SMIM36: variants seen among roughly 807,000 people sequenced by gnomAD.
SMIM36 encodes the protein small integral membrane protein 36.
intron 3 of SMIM36, among the ~76,000 whole-genome samples, chr17:55,469,706 G>A (rs1399886342): frequency 5.9e-5 from 9 of 152,216 alleles, no homozygotes; most frequent in Non-Finnish European, 1.0e-4. Context: ...AAGGCCAAGT[G>A]CAGTGGCTCA....
At chr17:55,498,528 T>C (rs1455074748) in intron 1 of SMIM36, among the ~76,000 whole-genome samples, 1 of 152,268 alleles carries the variant, frequency 6.6e-6, no homozygotes, top group Non-Finnish European at 1.5e-5. Context: ...TATCACAATA[T>C]GCCAGATACT....
At chr17:55,473,985 C>CCTGTT (rs1222523346) in intron 3 of SMIM36, among the ~76,000 whole-genome samples, 2 of 152,086 alleles carry the variant, frequency 1.3e-5, no homozygotes, top group African/African-American at 2.4e-5. Flanking sequence ...AGATCCCTGT[C>CCTGTT]CTGTTCTGTT....
At chr17:55,478,813 C>T (rs973416464) in exon 3 of SMIM36, 21 of 151,372 alleles carry the variant, frequency 1.4e-4, no homozygotes, top group African/African-American at 4.8e-4. Context: ...TCCTCAGACA[C>T]CTTGAGAGTT....
intron 3 of SMIM36, among the ~76,000 whole-genome samples, chr17:55,477,910 G>A (rs1424434727): frequency 6.6e-6 from 1 of 151,358 alleles, no homozygotes; most frequent in Non-Finnish European, 1.5e-5. Flanking sequence ...GGAGAAATGG[G>A]ACATATTCCC....
the SMIM36 span, among the ~76,000 whole-genome samples, chr17:55,522,774 G>A: frequency 6.6e-6 from 1 of 152,088 alleles, no homozygotes; most frequent in Non-Finnish European, 1.5e-5. Context: ...GTCCCCATCT[G>A]ACATGTTCTT....
At chr17:55,450,221 G>A (rs888396591) in exon 5 of SMIM36, 1 of 152,128 alleles carries the variant, frequency 6.6e-6, no homozygotes, top group African/African-American at 2.4e-5. Context: ...AGGTAGAAGA[G>A]GCAAGCAATA....
At chr17:55,493,808 CAAAAAA>C (rs10555912) in intron 1 of SMIM36, among the ~76,000 whole-genome samples, 2,038 of 65,108 alleles carry the variant, frequency 0.031, 59 homozygotes, top group Middle Eastern at 0.079. Flanking sequence ...CTCTCTCTCT[CAAAAAA>C]AAAAAAAAAA....
At chr17:55,513,666 G>A (rs1192470481), upstream of SMIM36, among the ~76,000 whole-genome samples, 1 of 152,198 alleles carries the variant, frequency 6.6e-6, no homozygotes, top group Non-Finnish European at 1.5e-5. Flanking sequence ...GTGCCTCCAT[G>A]TAACAATATT....
chr17:55,504,594 A>G lies in SMIM36; in HGVS notation c.*174+6285T>C, dbSNP rs1445083928. On this transcript the variant is annotated intron_variant, in intron 1 of 4. Coordinates refer to ENST00000636752, the Ensembl canonical transcript of SMIM36. ...CAAAGCAGTGTGTAGAGGGAAATTTATAGCACTAAATGCCCACAAGAGAAA... is the reference window on the plus strand; with the variant it reads ...CAAAGCAGTGTGTAGAGGGAAATTTGTAGCACTAAATGCCCACAAGAGAAA... Among the ~76,000 whole-genome samples the G allele has an allele frequency of 7.5e-5, 6 of 80,414 alleles. 1 individual carries two copies. The highest frequency in any genetic ancestry group is 1.3e-4 in the Non-Finnish European group (6 of 46,772). 52.8% of individuals were successfully genotyped at this position (80,414 alleles called of 152,430 possible).
At chr17:55,522,217 T>C in the SMIM36 span, among the ~76,000 whole-genome samples, 1 of 152,216 alleles carries the variant, frequency 6.6e-6, no homozygotes, top group Non-Finnish European at 1.5e-5. Context: ...AGTACTTGCA[T>C]AGTACCTGTT....
chr17:55,495,436 T>A (rs12601773), intron 1 of SMIM36, among the ~76,000 whole-genome samples: 47,317 of 152,096 alleles, frequency 0.31, 11,154 homozygotes, highest in African/African-American at 0.63. Context: ...ATCTAATCTG[T>A]TTGGATTCGT....
chr17:55,523,141 C>T, the SMIM36 span, among the ~76,000 whole-genome samples: 1 of 152,072 alleles, frequency 6.6e-6, no homozygotes, highest in Non-Finnish European at 1.5e-5. Flanking sequence ...CCTTTAAAGA[C>T]ATGATTAAGT....
At chr17:55,517,560 T>TACA in the SMIM36 span, among the ~76,000 whole-genome samples, 28 of 152,140 alleles carry the variant, frequency 1.8e-4, no homozygotes, top group South Asian at 6.2e-4. Context: ...GAGACTCTGT[T>TACA]ACAACAACAA....
chr17:55,501,751 C>G (rs1254896303), intron 1 of SMIM36, among the ~76,000 whole-genome samples: 3 of 151,244 alleles, frequency 2.0e-5, no homozygotes, highest in East Asian at 1.9e-4. Flanking sequence ...AGGAACAGCT[C>G]CGGTCTACAG....
chr17:55,497,960 A>C (rs1215458754), intron 1 of SMIM36, among the ~76,000 whole-genome samples: 1 of 152,196 alleles, frequency 6.6e-6, no homozygotes, highest in African/African-American at 2.4e-5. Flanking sequence ...AAGTACTGCA[A>C]ACCATGTGGC....
chr17:55,509,587 T>C (rs760818268), intron 1 of SMIM36, among the ~76,000 whole-genome samples: 3 of 152,168 alleles, frequency 2.0e-5, no homozygotes, highest in Non-Finnish European at 2.9e-5. Flanking sequence ...TATCTTTCAT[T>C]GTCTAAGTCA....
chr17:55,457,183 C>T (rs1194752852), intron 4 of SMIM36, among the ~76,000 whole-genome samples: 2 of 152,046 alleles, frequency 1.3e-5, no homozygotes, highest in African/African-American at 4.8e-5. Context: ...GTTGTGGTGG[C>T]TCATGCCTGT....
chr17:55,518,600 A>C, the SMIM36 span, among the ~76,000 whole-genome samples: 1 of 152,224 alleles, frequency 6.6e-6, no homozygotes, highest in Non-Finnish European at 1.5e-5. Context: ...AAAGAAGGTA[A>C]AAAAGTGGAC....
intron 3 of SMIM36, among the ~76,000 whole-genome samples, 188 bp from the exon 4 acceptor site, chr17:55,467,516 C>T (rs1909260810): frequency 6.6e-6 from 1 of 152,086 alleles, no homozygotes; most frequent in South Asian, 2.1e-4. Flanking sequence ...CCTGCCTCAG[C>T]CTCCCAAGTA....
Sources: allele counts gnomAD v4.1 joint callset (sites outside exome capture counted in the v4.1 genomes callset), GRCh38; gene constraint gnomAD v4.1.1; transcripts MANE v1.5; gene names NCBI Gene and HGNC (gene_info 2026-07-23, HGNC 2026-07-21).